CNTN4: variants seen among roughly 807,000 people sequenced by gnomAD.
The protein encoded by CNTN4 is contactin 4.
A neutral mutation model predicts 122.5 loss-of-function variants in CNTN4; 77 were observed. The ratio of observed to expected loss-of-function variants is 0.63; its 90% CI spans 0.52 to 0.76. The LOEUF (loss-of-function observed/expected upper bound fraction) is 0.76, where lower values mean the gene tolerates loss of function less well. Ranked by LOEUF, CNTN4 falls within the 30% of genes least tolerant of loss-of-function variation. The pLI, the probability that CNTN4 is intolerant of heterozygous loss-of-function variation, is 0.00. For missense variants in CNTN4, 1,256 were observed against 1,259.1 expected (o/e 1.00, Z 0.04); for synonymous variants, 512 against 447.0 (o/e 1.15, Z -1.83).
At chr3:2,164,828 T>A (rs1437144695) in intron 2 of CNTN4, among the ~76,000 whole-genome samples, 1 of 152,044 alleles carries the variant, frequency 6.6e-6, no homozygotes, top group Non-Finnish European at 1.5e-5. Flanking sequence ...ATGAAAGGAC[T>A]CAAAGTATTC....
intron 14 of CNTN4, among the ~76,000 whole-genome samples, chr3:3,017,258 A>G (rs573012183): frequency 6.6e-6 from 1 of 152,354 alleles, no homozygotes; most frequent in South Asian, 2.1e-4. Flanking sequence ...CTATGTTTTA[A>G]AACTGTAAAA....
At chr3:2,985,078 CT>C (rs1450039951) in intron 13 of CNTN4, among the ~76,000 whole-genome samples, 1 of 152,158 alleles carries the variant, frequency 6.6e-6, no homozygotes, top group Non-Finnish European at 1.5e-5. Context: ...AACAAAAGGC[CT>C]TCTTGTCTGT....
At chr3:2,118,554 A>T (rs1198430261) in intron 2 of CNTN4, among the ~76,000 whole-genome samples, 1 of 152,232 alleles carries the variant, frequency 6.6e-6, no homozygotes, top group Non-Finnish European at 1.5e-5. Flanking sequence ...GTAGATTGGT[A>T]ATTTGTGCAT....
At chr3:2,118,640 C>A (rs557487332) in intron 2 of CNTN4, among the ~76,000 whole-genome samples, 1 of 152,014 alleles carries the variant, frequency 6.6e-6, no homozygotes. Context: ...TTTTTCCTAC[C>A]GATAGGCTTC....
At chr3:3,055,974 G>T (rs1701748208) in intron 24 of CNTN4, 146 bp from the exon 25 acceptor site, 2 of 625,776 alleles carry the variant, frequency 3.2e-6, no homozygotes, top group Non-Finnish European at 5.7e-6. Flanking sequence ...GGTAGTCATA[G>T]AACTGATATT....
rs555409414 is a variant in CNTN4, at chr3:2,947,938, G to T, written c.1358+22159G>T. 6.6e-5 allele frequency among the ~76,000 whole-genome samples: 10 copies of T among 152,184 alleles called. No individual in the cohort carries two copies. In the South Asian group the frequency reaches 1.2e-3, roughly 19 times the overall value. On this transcript the variant is annotated intron_variant, in intron 13 of 24. Coordinates refer to ENST00000418658, the MANE Select transcript of CNTN4 (RefSeq NM_175607.3). ...ATTAAAACCCTGTGCCATTAAAGCT[G>T]TCTCTATTAAATGAATATGTGCTGG...
At chr3:2,235,177 A>G (rs1448268149) in intron 2 of CNTN4, among the ~76,000 whole-genome samples, 1 of 152,192 alleles carries the variant, frequency 6.6e-6, no homozygotes, top group Non-Finnish European at 1.5e-5. Context: ...TTTTGACTAC[A>G]GTTTGAAATG....
At chr3:2,865,923 G>A (rs1187661780) in intron 7 of CNTN4, among the ~76,000 whole-genome samples, 1 of 152,182 alleles carries the variant, frequency 6.6e-6, no homozygotes, top group African/African-American at 2.4e-5. Flanking sequence ...TATGGGATAA[G>A]GGTGTGTGAA....
chr3:2,309,192 C>G (rs1253876755), intron 2 of CNTN4, among the ~76,000 whole-genome samples: 1 of 151,910 alleles, frequency 6.6e-6, no homozygotes, highest in Non-Finnish European at 1.5e-5. Context: ...GCAGATTGAC[C>G]CTTTTCTCAT....
chr3:2,434,965 A>T (rs1199118482), intron 3 of CNTN4, among the ~76,000 whole-genome samples: 1 of 152,192 alleles, frequency 6.6e-6, no homozygotes, highest in African/African-American at 2.4e-5. Context: ...GAGACAGAGG[A>T]GAATAATTCT....
At chr3:2,568,331 A>AC (rs1400545547) in intron 3 of CNTN4, among the ~76,000 whole-genome samples, 5 of 151,014 alleles carry the variant, frequency 3.3e-5, no homozygotes, top group Admixed American at 1.3e-4. Flanking sequence ...AAAAAAAAAA[A>AC]AAAAAAAAAC....
intron 4 of CNTN4, among the ~76,000 whole-genome samples, chr3:2,580,457 T>C (rs1471753625): frequency 6.6e-6 from 1 of 152,144 alleles, no homozygotes; most frequent in African/African-American, 2.4e-5. Flanking sequence ...CAACAACAAC[T>C]AACATAAAGA....
intron 14 of CNTN4, among the ~76,000 whole-genome samples, chr3:3,006,151 C>G (rs1422925178): frequency 6.6e-6 from 1 of 152,142 alleles, no homozygotes; most frequent in South Asian, 2.1e-4. Context: ...GCTGGGATTA[C>G]AGGCATGAGC....
intron 2 of CNTN4, among the ~76,000 whole-genome samples, chr3:2,224,811 TAA>T (rs1284934871): frequency 6.6e-6 from 1 of 152,138 alleles, no homozygotes; most frequent in Non-Finnish European, 1.5e-5. Flanking sequence ...ACTCAATCTG[TAA>T]AAGTCATATT....
At chr3:2,819,433 G>A (rs1559539867) in intron 6 of CNTN4, 53 bp from the exon 7 acceptor site, 1 of 1,354,458 alleles carries the variant, frequency 7.4e-7, no homozygotes, top group Non-Finnish European at 1.1e-6. Context: ...ACTCTCCCTT[G>A]ATATCTTAGG....
intron 4 of CNTN4, among the ~76,000 whole-genome samples, chr3:2,726,990 T>C (rs899634735): frequency 6.6e-6 from 1 of 152,130 alleles, no homozygotes; most frequent in Non-Finnish European, 1.5e-5. Flanking sequence ...TCTGAAAAAA[T>C]AAAGTTCTAT....
At chr3:2,885,430 G>A (rs749286637) in intron 9 of CNTN4, among the ~76,000 whole-genome samples, 3 of 152,180 alleles carry the variant, frequency 2.0e-5, no homozygotes, top group Non-Finnish European at 4.4e-5. Flanking sequence ...ATGGACTGCT[G>A]TAAGTTGGTA....
At chr3:2,693,553 C>G (rs964311662) in intron 4 of CNTN4, among the ~76,000 whole-genome samples, 4 of 152,100 alleles carry the variant, frequency 2.6e-5, no homozygotes, top group African/African-American at 9.7e-5. Flanking sequence ...GCTATGGAAG[C>G]ACCTAGCAGT....
intron 8 of CNTN4, among the ~76,000 whole-genome samples, chr3:2,870,081 T>A (rs1406235199): frequency 6.6e-6 from 1 of 152,188 alleles, no homozygotes; most frequent in Non-Finnish European, 1.5e-5. Flanking sequence ...TACTGTGACA[T>A]AGCCAGGGAC....
Sources: allele counts gnomAD v4.1 joint callset (sites outside exome capture counted in the v4.1 genomes callset), GRCh38; gene constraint gnomAD v4.1.1; transcripts MANE v1.5; gene names NCBI Gene and HGNC (gene_info 2026-07-23, HGNC 2026-07-21).